NFASC: variants seen among roughly 807,000 people sequenced by gnomAD.
NFASC encodes neurofascin, also known as neurofascin homolog.
A neutral mutation model predicts 147.5 loss-of-function variants in NFASC; 43 were observed. That is an observed-to-expected ratio of 0.29 (90% CI 0.23 to 0.38). NFASC has a LOEUF of 0.38. Among genes scored for constraint, NFASC ranks in the 10% least tolerant of loss-of-function variants. NFASC has a pLI of 1.00. For missense variants in NFASC, 1,320 were observed against 1,689.0 expected (o/e 0.78, Z 3.83); for synonymous variants, 622 against 665.5 (o/e 0.93, Z 1.01).
chr1:204,999,777 G>A, intron 25 of NFASC: 1 of 152,196 alleles, frequency 6.6e-6, no homozygotes, highest in Non-Finnish European at 1.5e-5. Flanking sequence ...CCCCAGCCCT[G>A]CAGGCTCAGT....
At chr1:205,000,174 C>T (rs1325971917) in intron 25 of NFASC, 1 of 152,174 alleles carries the variant, frequency 6.6e-6, no homozygotes, top group African/African-American at 2.4e-5. Flanking sequence ...GCCAACAGAA[C>T]AGGATTCTTC....
intron 1 of NFASC, among the ~76,000 whole-genome samples, chr1:204,904,368 G>A (rs1002645560): frequency 6.6e-6 from 1 of 152,160 alleles, no homozygotes; most frequent in Non-Finnish European, 1.5e-5. Flanking sequence ...AAAGTGATAG[G>A]AATGCAGGCA....
At chr1:204,833,711 G>A (rs1316043613) in intron 1 of NFASC, among the ~76,000 whole-genome samples, 2 of 152,164 alleles carry the variant, frequency 1.3e-5, no homozygotes, top group African/African-American at 4.8e-5. Context: ...GACCTGGGAC[G>A]GTAAAATTTC....
At chr1:204,871,183 C>T (rs2077620555) in intron 1 of NFASC, 2 of 1,032,976 alleles carry the variant, frequency 1.9e-6, no homozygotes, top group Non-Finnish European at 1.3e-6. Context: ...CATACTTTCC[C>T]AACAAAGCTA....
chr1:204,939,651 G>A (rs2093208323), intron 2 of NFASC, among the ~76,000 whole-genome samples: 1 of 152,274 alleles, frequency 6.6e-6, no homozygotes, highest in Non-Finnish European at 1.5e-5. Context: ...GTCACCTCTG[G>A]TGTGGTTGGA....
At chr1:204,926,235 A>T (rs867558677) in intron 2 of NFASC, among the ~76,000 whole-genome samples, 1 of 151,494 alleles carries the variant, frequency 6.6e-6, no homozygotes, top group Non-Finnish European at 1.5e-5. Flanking sequence ...GCAATCACTT[A>T]CTTGGTTTTA....
At chr1:205,004,449 G>A (rs1242848618) in intron 27 of NFASC, among the ~76,000 whole-genome samples, 1 of 152,242 alleles carries the variant, frequency 6.6e-6, no homozygotes, top group Non-Finnish European at 1.5e-5. Flanking sequence ...GAAGCACTCA[G>A]CCCTGGCAAG....
chr1:204,986,900 C>T lies in NFASC; in HGVS notation c.2471-518C>T, dbSNP rs1037048265. The T allele has an allele frequency of 6.4e-6, 1 of 156,564 alleles. No homozygotes were observed. The highest frequency in any genetic ancestry group is 2.4e-5 in the African/African-American group (1 of 41,490). The allele number at this position is 156,564 out of a possible 1,614,324, so 9.7% of individuals were successfully genotyped here. ...TTTCATCATTGGCCTCTCCCCAACA[C>T]TCCCACCCTCCCACCTCTTCCGGAT... is the stretch of plus-strand genomic sequence containing the variant. On this transcript the variant is annotated intron_variant, in intron 21 of 29. Transcript: ENST00000339876. The surrounding 1 kb of genome is among the most constrained non-coding windows in gnomAD (Gnocchi z 4.2).
At chr1:204,996,633 G>A (rs552838349) in intron 24 of NFASC, among the ~76,000 whole-genome samples, 1 of 152,312 alleles carries the variant, frequency 6.6e-6, no homozygotes, top group East Asian at 1.9e-4. Flanking sequence ...CTCTGTCATC[G>A]GGTTTGGGTG....
chr1:204,891,374 A>C (rs2082354747), intron 1 of NFASC, among the ~76,000 whole-genome samples: 1 of 152,152 alleles, frequency 6.6e-6, no homozygotes, highest in Non-Finnish European at 1.5e-5. Context: ...ACCCTTTCCC[A>C]CTGGTCAAAG....
At chr1:204,912,522 C>T (rs910669512) in intron 1 of NFASC, among the ~76,000 whole-genome samples, 11 of 151,126 alleles carry the variant, frequency 7.3e-5, no homozygotes, top group Non-Finnish European at 1.0e-4. Flanking sequence ...CATAGCAAGA[C>T]GCCCCATCTC....
At chr1:204,842,384 G>A (rs1172911622) in intron 1 of NFASC, among the ~76,000 whole-genome samples, 1 of 152,192 alleles carries the variant, frequency 6.6e-6, no homozygotes, top group African/African-American at 2.4e-5. Context: ...TTTAAGCACT[G>A]TATTGCTTCA....
chr1:204,952,136 A>G lies in NFASC; in HGVS notation c.215+20A>G. The G allele has an allele frequency of 1.3e-6, 2 of 1,576,634 alleles. No individual in the cohort carries two copies. Among genetic ancestry groups the G allele is most frequent in the Non-Finnish European group, 1.7e-6 (2 of 1,146,184 alleles). The stretch of plus-strand genomic sequence containing the variant: ...CCCCAGGTGAGTGAAGGGGAAAAAG[A>G]GTGCATTGAAACCACCCGCTTGCCT... On this transcript the variant is annotated intron_variant, in intron 5 of 29. Coordinates refer to ENST00000339876, the MANE Select transcript of NFASC (RefSeq NM_001005388.3).
In NFASC at chr1:204,987,532, A is replaced by G; in HGVS notation, c.2585A>G (p.Tyr862Cys). The G allele has an allele frequency of 6.2e-7, 1 of 1,614,070 alleles. No homozygotes were observed. Among genetic ancestry groups the G allele is most frequent in the Non-Finnish European group, 8.5e-7 (1 of 1,179,980 alleles). ...ATCATGATTGGATACACTCTCAAAT[A>G]TGTGGCCTGTACGTTCTGCCCTTCC... The part of the protein sequence containing the change: ...NGIMIGYTLK[Y>C]VAFNGTKVGK... Residue 862 changes from tyrosine (Y) to cysteine (C), a missense_variant, in exon 22 of 30, where the codon TAT (tyrosine) becomes TGT (cysteine). Coordinates refer to ENST00000339876, the MANE Select transcript of NFASC (RefSeq NM_001005388.3). This position sits in a 1 kb window ranked among gnomAD's most constrained non-coding sequence, Gnocchi z 4.4.
chr1:204,883,822 C>T (rs1006798554), intron 1 of NFASC, among the ~76,000 whole-genome samples: 1 of 152,194 alleles, frequency 6.6e-6, no homozygotes, highest in Non-Finnish European at 1.5e-5. Context: ...AGGCCCTTTA[C>T]AAGCCACACA....
intron 1 of NFASC, among the ~76,000 whole-genome samples, chr1:204,857,519 C>G (rs2076259654): frequency 6.6e-6 from 1 of 152,216 alleles, no homozygotes; most frequent in Admixed American, 6.5e-5. Context: ...GGCTGTCCTG[C>G]CTGCCCCTCG....
rs1051338667 is a variant in NFASC at position 205,010,967 on chromosome 1, C to T, written c.3421+1279C>T. On this transcript the variant is annotated intron_variant, in intron 28 of 29. Coordinates refer to ENST00000339876, the MANE Select transcript of NFASC (RefSeq NM_001005388.3). This position sits in a 1 kb window ranked among gnomAD's most constrained non-coding sequence, Gnocchi z 4.1. ...CATAACCAAGGTCAAGGATAAGGAC[C>T]TCTGGCATTCTTGTTTCTGGAAATA... 1 of 151,974 alleles carries T rather than the reference C, an allele frequency of 6.6e-6. No homozygotes were observed. Among genetic ancestry groups the T allele is most frequent in the Non-Finnish European group, 1.5e-5 (1 of 68,016 alleles). 9.4% of individuals were successfully genotyped at this position (151,974 alleles called of 1,614,324 possible). A position where few individuals can be genotyped will look rare whatever the true frequency, so the allele number is the denominator to read the frequency against.
chr1:204,884,890 G>A (rs981451814), intron 1 of NFASC, among the ~76,000 whole-genome samples: 5 of 152,166 alleles, frequency 3.3e-5, no homozygotes, highest in African/African-American at 9.7e-5. Context: ...GGTCTTACTA[G>A]AGAGAGAATC....
intron 1 of NFASC, among the ~76,000 whole-genome samples, chr1:204,896,634 A>G (rs944347600): frequency 2.6e-5 from 4 of 152,228 alleles, no homozygotes; most frequent in Admixed American, 6.5e-5. Flanking sequence ...TTAGTCATCC[A>G]TTCATCAAAC....
Sources: allele counts gnomAD v4.1 joint callset (sites outside exome capture counted in the v4.1 genomes callset), GRCh38; gene constraint gnomAD v4.1.1; non-coding constraint Gnocchi (gnomAD v3.1); transcripts MANE v1.5; gene names NCBI Gene and HGNC (gene_info 2026-07-23, HGNC 2026-07-21).